The following PALM2AKAP2 variants were observed in gnomAD, a reference collection of about 807,000 sequenced individuals.
PALM2AKAP2 encodes PALM2-AKAP2 fusion protein.
In PALM2AKAP2, 37 loss-of-function variants were observed where a neutral mutation model predicts 71.5. The observed-to-expected ratio is 0.52, with a 90% CI of 0.40 to 0.68. PALM2AKAP2 has a LOEUF of 0.68. PALM2AKAP2 is among the 30% of genes least tolerant of loss of function. The pLI is 0.00. For missense variants in PALM2AKAP2, 1,224 were observed against 1,191.8 expected (o/e 1.03, Z -0.40); for synonymous variants, 468 against 478.8 (o/e 0.98, Z 0.29).
intron 6 of PALM2AKAP2, chr9:109,943,299 G>A: frequency 6.2e-7 from 1 of 1,614,234 alleles, no homozygotes; most frequent in Non-Finnish European, 8.5e-7. Flanking sequence ...CTGAGCTTGT[G>A]TCCGGGAGGC....
chr9:109,748,662 A>C (rs10115465), intron 1 of PALM2AKAP2, among the ~76,000 whole-genome samples: 8 of 152,058 alleles, frequency 5.3e-5, no homozygotes, highest in Admixed American at 2.0e-4. Context: ...GGAAACTGGG[A>C]ATTACACTTT....
upstream of PALM2AKAP2, among the ~76,000 whole-genome samples, chr9:110,043,714 G>GTTTTTTTTT (rs71492869): frequency 6.1e-5 from 6 of 98,404 alleles, no homozygotes; most frequent in Non-Finnish European, 5.9e-5. Context: ...GTTTTTTTTG[G>GTTTTTTTTT]TGTTTTTTTT....
intron 1 of PALM2AKAP2, among the ~76,000 whole-genome samples, chr9:110,095,040 G>A (rs1378300234): frequency 6.6e-6 from 1 of 152,184 alleles, no homozygotes; most frequent in Non-Finnish European, 1.5e-5. Context: ...TACCGTATGT[G>A]TAGTACTCTG....
At chr9:109,946,779 A>C (rs1161413456) in intron 6 of PALM2AKAP2, 1 of 151,638 alleles carries the variant, frequency 6.6e-6, no homozygotes, top group East Asian at 1.9e-4. Context: ...GGGGTATCTC[A>C]TTTGTATACA....
chr9:110,017,939 G>A (rs1289760629), intron 7 of PALM2AKAP2, among the ~76,000 whole-genome samples: 1 of 151,950 alleles, frequency 6.6e-6, no homozygotes, highest in Non-Finnish European at 1.5e-5. Flanking sequence ...TGTTGGCCAG[G>A]TTGGTCTCCA....
intron 1 of PALM2AKAP2, among the ~76,000 whole-genome samples, chr9:109,823,185 G>T (rs1410668739): frequency 1.3e-5 from 2 of 151,924 alleles, no homozygotes; most frequent in Admixed American, 6.6e-5. Flanking sequence ...GGACAGACAT[G>T]GCCAAAGCTA....
intron 1 of PALM2AKAP2, among the ~76,000 whole-genome samples, chr9:109,783,377 A>G (rs1225308852): frequency 2.0e-5 from 3 of 151,186 alleles, no homozygotes; most frequent in African/African-American, 4.9e-5. Context: ...GAGTGCTGCC[A>G]TGACAGCTCG....
chr9:109,664,766 T>C (rs2118468634), intron 1 of PALM2AKAP2, among the ~76,000 whole-genome samples: 1 of 152,368 alleles, frequency 6.6e-6, no homozygotes, highest in African/African-American at 2.4e-5. Flanking sequence ...TTCTCCTGGA[T>C]AATACCCTGA....
intron 6 of PALM2AKAP2, among the ~76,000 whole-genome samples, chr9:109,975,263 G>T (rs1832151425): frequency 6.6e-6 from 1 of 152,196 alleles, no homozygotes; most frequent in Non-Finnish European, 1.5e-5. Context: ...AACCCAGAAG[G>T]CCAGAAACCA....
At chr9:110,013,050 G>A (rs1248861058) in intron 6 of PALM2AKAP2, among the ~76,000 whole-genome samples, 2 of 152,182 alleles carry the variant, frequency 1.3e-5, no homozygotes, top group Admixed American at 6.5e-5. Flanking sequence ...TCGTTGTCAT[G>A]CATATGCAGT....
intron 1 of PALM2AKAP2, among the ~76,000 whole-genome samples, chr9:109,649,809 A>G (rs1827201637): frequency 6.6e-6 from 1 of 152,240 alleles, no homozygotes; most frequent in African/African-American, 2.4e-5. Flanking sequence ...CTCATAAAAA[A>G]TTCTTACAAC....
intron 1 of PALM2AKAP2, among the ~76,000 whole-genome samples, chr9:110,090,960 A>ATT (rs34697595): frequency 0.026 from 3,824 of 148,146 alleles, 163 homozygotes; most frequent in African/African-American, 0.089. Flanking sequence ...ATCTAGCTCA[A>ATT]TTTTTTTTTT....
intron 1 of PALM2AKAP2, among the ~76,000 whole-genome samples, chr9:109,845,576 C>A (rs1317773148): frequency 6.6e-6 from 1 of 152,150 alleles, no homozygotes; most frequent in Non-Finnish European, 1.5e-5. Flanking sequence ...CCCACTCAAT[C>A]CAGGAGGCTA....
chr9:110,123,734 C>A (rs1407710562), intron 1 of PALM2AKAP2, among the ~76,000 whole-genome samples: 1 of 152,182 alleles, frequency 6.6e-6, no homozygotes, highest in Non-Finnish European at 1.5e-5. Context: ...AGATTTAAAA[C>A]CTTTTTCTAA....
intron 1 of PALM2AKAP2, among the ~76,000 whole-genome samples, chr9:109,661,977 T>C (rs1432140977): frequency 6.6e-6 from 1 of 152,210 alleles, no homozygotes; most frequent in Non-Finnish European, 1.5e-5. Context: ...TGTCTGTTAA[T>C]GGTGTATAAG....
chr9:109,726,812 T>C (rs1828484981), intron 1 of PALM2AKAP2, among the ~76,000 whole-genome samples: 1 of 152,218 alleles, frequency 6.6e-6, no homozygotes, highest in Non-Finnish European at 1.5e-5. Context: ...CAAATTTAAA[T>C]TAATTAAAAG....
intron 3 of PALM2AKAP2, among the ~76,000 whole-genome samples, chr9:109,907,988 G>A (rs1331929347): frequency 6.6e-6 from 1 of 152,170 alleles, no homozygotes; most frequent in African/African-American, 2.4e-5. Flanking sequence ...AAGGTCAGAG[G>A]TGCTGTTTAT....
chr9:109,647,301 C>T (rs1189102731), intron 1 of PALM2AKAP2, among the ~76,000 whole-genome samples: 1 of 152,174 alleles, frequency 6.6e-6, no homozygotes, highest in Non-Finnish European at 1.5e-5. Flanking sequence ...ACATCTACTT[C>T]ATTCACTTTT....
At chr9:110,130,674 G>A (rs536725439) in intron 1 of PALM2AKAP2, among the ~76,000 whole-genome samples, 1 of 152,284 alleles carries the variant, frequency 6.6e-6, no homozygotes, top group South Asian at 2.1e-4. Flanking sequence ...GCAACTTTAT[G>A]AAGACAGGAT....
Sources: allele counts gnomAD v4.1 joint callset (sites outside exome capture counted in the v4.1 genomes callset), GRCh38; gene constraint gnomAD v4.1.1; transcripts MANE v1.5; gene names NCBI Gene and HGNC (gene_info 2026-07-23, HGNC 2026-07-21).